Variants in CUL5 observed in about 807,000 individuals in gnomAD.
CUL5 encodes cullin-5.
CUL5 carries 26 observed loss-of-function variants against 108.8 expected under a neutral mutation model. The observed-to-expected ratio is 0.24, with a 90% CI of 0.18 to 0.33. CUL5 has a LOEUF of 0.33. CUL5 is among the 10% of genes least tolerant of loss of function. The pLI is 1.00. For missense variants in CUL5, 524 were observed against 909.2 expected (o/e 0.58, Z 5.45); for synonymous variants, 334 against 298.0 (o/e 1.12, Z -1.25).
intron 13 of CUL5, among the ~76,000 whole-genome samples, chr11:108,093,315 A>T (rs1400682373): frequency 6.6e-6 from 1 of 152,118 alleles, no homozygotes; most frequent in Non-Finnish European, 1.5e-5. Context: ...AGTGTCATGA[A>T]ATACTGAGAA....
At chr11:108,009,796 C>A (rs531226977) in intron 1 of CUL5, among the ~76,000 whole-genome samples, 1 of 152,180 alleles carries the variant, frequency 6.6e-6, no homozygotes, top group Non-Finnish European at 1.5e-5. Context: ...CTCGACCCCC[C>A]ACTTCTTCCA....
At chr11:108,031,254 T>G (rs889926032) in intron 1 of CUL5, among the ~76,000 whole-genome samples, 4 of 151,668 alleles carry the variant, frequency 2.6e-5, no homozygotes, top group Non-Finnish European at 5.9e-5. Context: ...TAATCTCAGC[T>G]ACTCGGAGGC....
At chr11:108,040,144 A>G (rs1862857350) in intron 2 of CUL5, among the ~76,000 whole-genome samples, 1 of 152,226 alleles carries the variant, frequency 6.6e-6, no homozygotes, top group African/African-American at 2.4e-5. Context: ...TTTTTCTAAT[A>G]AAGTTTTTAA....
At chr11:108,103,549 C>T (rs1864721823) in intron 18 of CUL5, among the ~76,000 whole-genome samples, 1 of 152,078 alleles carries the variant, frequency 6.6e-6, no homozygotes, top group Admixed American at 6.6e-5. Context: ...CCCCACCTGA[C>T]CTGTACTGCT....
intron 13 of CUL5, among the ~76,000 whole-genome samples, chr11:108,091,506 G>A (rs766899163): frequency 2.0e-5 from 3 of 151,626 alleles, no homozygotes; most frequent in African/African-American, 4.8e-5. Context: ...CCTGGGCAAC[G>A]TGGTGAAACC....
chr11:108,025,554 T>A (rs1363842076), intron 1 of CUL5, among the ~76,000 whole-genome samples: 1 of 152,218 alleles, frequency 6.6e-6, no homozygotes, highest in Non-Finnish European at 1.5e-5. Flanking sequence ...AATAACTTTC[T>A]GTGGACTCTA....
At chr11:108,077,419 G>T (rs1264335864) in intron 10 of CUL5, among the ~76,000 whole-genome samples, 1 of 152,168 alleles carries the variant, frequency 6.6e-6, no homozygotes, top group African/African-American at 2.4e-5. Flanking sequence ...GCTGAGACAG[G>T]TGGATCACTT....
At chr11:108,054,826 GC>G in intron 6 of CUL5, 34 bp downstream of exon 6, 1 of 1,602,072 alleles carries the variant, frequency 6.2e-7, no homozygotes, top group South Asian at 1.1e-5. Context: ...GATAATTTGA[GC>G]AATTCCCTTG....
intron 1 of CUL5, among the ~76,000 whole-genome samples, chr11:108,013,494 C>G (rs1319887006): frequency 1.3e-5 from 2 of 152,192 alleles, no homozygotes; most frequent in Non-Finnish European, 2.9e-5. Flanking sequence ...TTGTCTCTCT[C>G]TCTCATACAT....
intron 1 of CUL5, among the ~76,000 whole-genome samples, chr11:108,022,669 T>C (rs962174914): frequency 6.6e-6 from 1 of 152,206 alleles, no homozygotes; most frequent in African/African-American, 2.4e-5. Flanking sequence ...GTTATTCTTC[T>C]GTAATCCACC....
At chr11:108,077,831 G>A (rs73557152) in intron 10 of CUL5, among the ~76,000 whole-genome samples, 3,119 of 151,864 alleles carry the variant, frequency 0.021, 112 homozygotes, top group African/African-American at 0.071. Context: ...TATAATCCCA[G>A]CTACCCAGGA....
At chr11:108,075,483 A>G (rs1464175350) in intron 10 of CUL5, among the ~76,000 whole-genome samples, 1 of 152,202 alleles carries the variant, frequency 6.6e-6, no homozygotes, top group African/African-American at 2.4e-5. Flanking sequence ...AAGGTTTGAC[A>G]GCATTTGTTA....
chr11:108,075,675 G>A (rs4754291), intron 10 of CUL5, among the ~76,000 whole-genome samples: 148,490 of 152,274 alleles, frequency 0.98, 72,489 homozygotes, highest in Middle Eastern at 1. Context: ...TTCTGGGACT[G>A]TGAGCACATA....
chr11:108,020,690 G>C (rs1254346142), intron 1 of CUL5, among the ~76,000 whole-genome samples: 1 of 152,102 alleles, frequency 6.6e-6, no homozygotes, highest in Non-Finnish European at 1.5e-5. Context: ...CCTTGTGTTT[G>C]TGTTTCACGA....
Position 108,078,184 on chromosome 11 carries a change from A to C in CUL5, c.1122A>C (p.Lys374Asn). The C allele has an allele frequency of 6.4e-7, 1 of 1,561,538 alleles. No individual in the cohort carries two copies. Among genetic ancestry groups the C allele is most frequent in the Non-Finnish European group, 8.7e-7 (1 of 1,148,174 alleles). Reference sequence around the variant, plus strand: ...CAAATTATTTTTTGCAGGCGTATAAAGCAGTTGTTAATGATGCTACCATAT... The same window carrying C: ...CAAATTATTTTTTGCAGGCGTATAACGCAGTTGTTAATGATGCTACCATAT... ...RFLTARDKAY[K>N]AVVNDATIFK... Residue 374 changes from lysine to asparagine, a missense_variant, in exon 11 of 19, where the codon AAA becomes AAC. This residue lies in a region of CUL5 where 76 missense variants were observed against 168.3 expected (regional missense o/e 0.45). Coordinates refer to ENST00000393094, the MANE Select transcript of CUL5 (RefSeq NM_003478.6).
chr11:108,103,185 T>C (rs773488713), intron 18 of CUL5, among the ~76,000 whole-genome samples: 17 of 152,226 alleles, frequency 1.1e-4, no homozygotes, highest in Admixed American at 2.0e-4. Flanking sequence ...ATAACTCTTA[T>C]TGTAAACTTA....
chr11:108,095,657 A>G lies in CUL5; in HGVS notation c.1871A>G (p.Glu624Gly), dbSNP rs774917545. 3.1e-6 allele frequency: 5 copies of G among 1,614,036 alleles called. No individual in the cohort carries two copies. Among genetic ancestry groups the G allele is most frequent in the Non-Finnish European group, 4.2e-6 (5 of 1,179,974 alleles). The change falls in exon 16 of 19, where the codon GAA becomes GGA. Residue 624 changes from glutamate (E) to glycine (G), a missense_variant. Glu to Gly is a moderately conservative substitution (Grantham distance 98). This residue lies in a region of CUL5 where 64 missense variants were observed against 152.0 expected (regional missense o/e 0.42). Transcript: ENST00000393094. ...ISFENLKLAT[E>G]LPDAELRRTL... ...TTTGAAAATCTTAAGCTTGCAACTGAACTCCCTGATGCTGAACTTAGGAGG... is the reference window on the plus strand; with the variant it reads ...TTTGAAAATCTTAAGCTTGCAACTGGACTCCCTGATGCTGAACTTAGGAGG...
intron 11 of CUL5, among the ~76,000 whole-genome samples, chr11:108,082,488 G>C (rs1310495890): frequency 6.6e-6 from 1 of 152,048 alleles, no homozygotes; most frequent in Non-Finnish European, 1.5e-5. Context: ...TGTTGACCAG[G>C]CTGGTCTTGA....
chr11:108,040,171 G>C (rs973720361), intron 2 of CUL5, among the ~76,000 whole-genome samples: 1 of 152,100 alleles, frequency 6.6e-6, no homozygotes, highest in East Asian at 1.9e-4. Context: ...TTACCTTATA[G>C]CATGTTCCCT....
Sources: gnomAD v4.1 joint callset for allele counts (sites outside exome capture counted in the v4.1 genomes callset) on GRCh38, gnomAD v4.1.1 for gene constraint, gnomAD v4.1.1 regional missense constraint, MANE v1.5 for transcripts, NCBI Gene and HGNC (gene_info 2026-07-23, HGNC 2026-07-21) for gene names.